The following STXBP5L variants were observed in gnomAD, a reference collection of about 807,000 sequenced individuals.
STXBP5L encodes syntaxin binding protein 5L.
A neutral mutation model predicts 144.5 loss-of-function variants in STXBP5L; 65 were observed. The observed-to-expected ratio is 0.45, with a 90% CI of 0.37 to 0.55. The LOEUF (loss-of-function observed/expected upper bound fraction) is 0.55, where lower values mean the gene tolerates loss of function less well. Among genes scored for constraint, STXBP5L ranks in the 20% least tolerant of loss-of-function variants. The pLI, the probability that STXBP5L is intolerant of heterozygous loss-of-function variation, is 0.00. For missense variants in STXBP5L, 1,298 were observed against 1,405.5 expected (o/e 0.92, Z 1.22); for synonymous variants, 505 against 469.6 (o/e 1.08, Z -0.97).
At chr3:121,115,691 G>C (rs1338635656) in intron 6 of STXBP5L, among the ~76,000 whole-genome samples, 2 of 152,124 alleles carry the variant, frequency 1.3e-5, no homozygotes, top group African/African-American at 4.8e-5. Context: ...ATAGAAAAGA[G>C]GTTTAATTGG....
chr3:121,059,144 T>G (rs1948648931), intron 5 of STXBP5L, among the ~76,000 whole-genome samples: 1 of 152,256 alleles, frequency 6.6e-6, no homozygotes, highest in East Asian at 1.9e-4. Flanking sequence ...TGAGTTAATC[T>G]TTGTATAAGG....
At chr3:121,363,864 G>T (rs973342724) in intron 20 of STXBP5L, among the ~76,000 whole-genome samples, 1 of 151,988 alleles carries the variant, frequency 6.6e-6, no homozygotes, top group East Asian at 1.9e-4. Flanking sequence ...ATCTTTGCCC[G>T]TTATTGAATT....
At chr3:121,045,566 A>G in intron 5 of STXBP5L, 31 bp downstream of exon 5, 3 of 1,576,652 alleles carry the variant, frequency 1.9e-6, no homozygotes, top group South Asian at 1.2e-5. Flanking sequence ...CAATTTCTTA[A>G]TGTACAACAA....
chr3:121,270,867 G>A (rs1250397393), intron 18 of STXBP5L, among the ~76,000 whole-genome samples: 1 of 152,026 alleles, frequency 6.6e-6, no homozygotes, highest in Non-Finnish European at 1.5e-5. Flanking sequence ...TAAGCATTTT[G>A]GCAGGAATAC....
At chr3:121,023,493 T>C (rs1449989214) in intron 3 of STXBP5L, among the ~76,000 whole-genome samples, 1 of 152,132 alleles carries the variant, frequency 6.6e-6, no homozygotes, top group Non-Finnish European at 1.5e-5. Context: ...CATTGCAAAC[T>C]ACACTACAAG....
intron 21 of STXBP5L, among the ~76,000 whole-genome samples, chr3:121,380,227 A>C (rs891476124): frequency 3.9e-5 from 6 of 152,136 alleles, no homozygotes; most frequent in Non-Finnish European, 8.8e-5. Flanking sequence ...TTGTCTCCAA[A>C]TCTGTAAAAC....
At chr3:121,239,849 A>G (rs1405290971) in intron 13 of STXBP5L, among the ~76,000 whole-genome samples, 1 of 151,928 alleles carries the variant, frequency 6.6e-6, no homozygotes, top group African/African-American at 2.4e-5. Context: ...CCTAAAACTT[A>G]AAGTATAATA....
chr3:121,313,211 G>T (rs1307115224), intron 19 of STXBP5L, among the ~76,000 whole-genome samples: 25 of 141,534 alleles, frequency 1.8e-4, no homozygotes, highest in Admixed American at 1.6e-3. Context: ...CGGCCGGAAG[G>T]GGGGCTGACC....
intron 5 of STXBP5L, among the ~76,000 whole-genome samples, chr3:121,053,264 A>G (rs1453412352): frequency 6.6e-6 from 1 of 152,180 alleles, no homozygotes; most frequent in Non-Finnish European, 1.5e-5. Flanking sequence ...TATGGAGCCA[A>G]AAAAATCCCC....
chr3:121,014,483 A>G (rs913975273), intron 3 of STXBP5L, among the ~76,000 whole-genome samples: 1 of 152,024 alleles, frequency 6.6e-6, no homozygotes, highest in African/African-American at 2.4e-5. Context: ...AGACTTATTT[A>G]TCAGTAGTTC....
At chr3:120,978,273 T>G (rs1941324018) in intron 3 of STXBP5L, among the ~76,000 whole-genome samples, 1 of 152,212 alleles carries the variant, frequency 6.6e-6, no homozygotes. Context: ...TAAACTTCCC[T>G]TCTCACTACA....
intron 4 of STXBP5L, among the ~76,000 whole-genome samples, chr3:121,045,230 G>A (rs574544891): frequency 6.6e-6 from 1 of 152,176 alleles, no homozygotes; most frequent in Non-Finnish European, 1.5e-5. Flanking sequence ...CCTGACCGTT[G>A]AAATGCAGTG....
chr3:121,035,033 G>T (rs911045186), intron 3 of STXBP5L, among the ~76,000 whole-genome samples: 1 of 152,092 alleles, frequency 6.6e-6, no homozygotes, highest in Non-Finnish European at 1.5e-5. Flanking sequence ...AAAAATGCCT[G>T]TTCATGTCCT....
At chr3:121,314,706 A>G (rs1440024341) in intron 19 of STXBP5L, among the ~76,000 whole-genome samples, 1 of 152,124 alleles carries the variant, frequency 6.6e-6, no homozygotes, top group East Asian at 1.9e-4. Flanking sequence ...CAACCTACAA[A>G]ATGGGAGAAA....
At chr3:121,104,629 C>G (rs2043599819) in intron 5 of STXBP5L, among the ~76,000 whole-genome samples, 1 of 152,036 alleles carries the variant, frequency 6.6e-6, no homozygotes, top group South Asian at 2.1e-4. Flanking sequence ...ACAAACCAAA[C>G]AAAAACATAA....
chr3:120,990,789 G>C (rs567022181), intron 3 of STXBP5L, among the ~76,000 whole-genome samples: 2 of 152,176 alleles, frequency 1.3e-5, no homozygotes, highest in Non-Finnish European at 2.9e-5. Context: ...GTAGAAAGCT[G>C]AAACTGGATC....
At chr3:121,172,377 C>T (rs1477524480) in intron 9 of STXBP5L, among the ~76,000 whole-genome samples, 1 of 152,174 alleles carries the variant, frequency 6.6e-6, no homozygotes, top group Non-Finnish European at 1.5e-5. Context: ...TCAAAAGAAA[C>T]TACCATCAGA....
chr3:121,397,439 C>T (rs983964628), intron 22 of STXBP5L, among the ~76,000 whole-genome samples: 3 of 152,148 alleles, frequency 2.0e-5, no homozygotes, highest in Admixed American at 2.0e-4. Context: ...GTAACTAATT[C>T]CTCTAACGCC....
intron 20 of STXBP5L, among the ~76,000 whole-genome samples, chr3:121,365,753 T>C (rs1286143063): frequency 2.0e-5 from 3 of 151,768 alleles, no homozygotes; most frequent in Non-Finnish European, 4.4e-5. Context: ...TCTGTGGTTT[T>C]TCTATTCTCT....
Sources: allele counts gnomAD v4.1 joint callset (sites outside exome capture counted in the v4.1 genomes callset), GRCh38; gene constraint gnomAD v4.1.1; transcripts MANE v1.5; gene names NCBI Gene and HGNC (gene_info 2026-07-23, HGNC 2026-07-21).